MRTFB: variants seen among roughly 807,000 people sequenced by gnomAD.
The protein encoded by MRTFB is myocardin-related transcription factor B.
In MRTFB, 29 loss-of-function variants were observed where a neutral mutation model predicts 104.2. That is an observed-to-expected ratio of 0.28 (90% confidence interval 0.21 to 0.38). MRTFB has a LOEUF of 0.38. Ranked by LOEUF, MRTFB falls within the 10% of genes least tolerant of loss-of-function variation. The probability of loss-of-function intolerance (pLI) is 1.00; values close to 1 mark genes in which losing one functional copy is unlikely to be tolerated. For missense variants in MRTFB, 1,270 were observed against 1,341.6 expected, an observed-to-expected ratio of 0.95 and a Z score of 0.83; for synonymous variants, 535 against 519.5, an observed-to-expected ratio of 1.03 and a Z score of -0.41.
chr16:13,997,233 G>A, the MRTFB span, among the ~76,000 whole-genome samples: 1 of 152,150 alleles, frequency 6.6e-6, no homozygotes, highest in Non-Finnish European at 1.5e-5. Flanking sequence ...CAATGGCTTT[G>A]GAAAGAAAAT....
the MRTFB span, among the ~76,000 whole-genome samples, chr16:14,053,592 G>A: frequency 6.6e-6 from 1 of 151,940 alleles, no homozygotes. Flanking sequence ...TTAGCCGGGC[G>A]TGGTGGCGGG....
At chr16:14,130,233 C>G (rs1295884429) in intron 2 of MRTFB, among the ~76,000 whole-genome samples, 1 of 152,090 alleles carries the variant, frequency 6.6e-6, no homozygotes, top group Non-Finnish European at 1.5e-5. Flanking sequence ...AATTGATTTG[C>G]AAAATGCCAC....
chr16:14,059,757 C>G, the MRTFB span, among the ~76,000 whole-genome samples: 1 of 152,076 alleles, frequency 6.6e-6, no homozygotes, highest in Non-Finnish European at 1.5e-5. Flanking sequence ...CAGCATGTGC[C>G]TAGAAAGAGA....
At chr16:14,089,489 T>C (rs1239690495) in intron 2 of MRTFB, among the ~76,000 whole-genome samples, 22 of 152,232 alleles carry the variant, frequency 1.4e-4, no homozygotes, top group Non-Finnish European at 1.5e-5. Flanking sequence ...TAGTATTCTG[T>C]TGTGTGGATA....
intron 3 of MRTFB, among the ~76,000 whole-genome samples, chr16:14,167,794 C>G (rs1227957740): frequency 6.6e-6 from 1 of 152,194 alleles, no homozygotes; most frequent in Non-Finnish European, 1.5e-5. Flanking sequence ...CAGGTTCATG[C>G]CACTCTCCTG....
chr16:14,057,319 C>T, the MRTFB span, among the ~76,000 whole-genome samples: 1 of 152,156 alleles, frequency 6.6e-6, no homozygotes, highest in Admixed American at 6.5e-5. Flanking sequence ...CTGGAAAATA[C>T]TGTCACCCGA....
intron 2 of MRTFB, among the ~76,000 whole-genome samples, chr16:14,138,811 A>G (rs1480076385): frequency 6.6e-6 from 1 of 152,242 alleles, no homozygotes; most frequent in African/African-American, 2.4e-5. Context: ...CAAAGATGCA[A>G]AGGCAGCTTA....
At chr16:14,159,725 C>G (rs183981107) in intron 3 of MRTFB, among the ~76,000 whole-genome samples, 51 of 151,688 alleles carry the variant, frequency 3.4e-4, no homozygotes, top group African/African-American at 1.2e-3. Flanking sequence ...GTCAGGAGAT[C>G]GAGACCATCC....
chr16:14,251,988 C>T lies in MRTFB; in HGVS notation c.2530C>T (p.Pro844Ser), dbSNP rs767267381. 1.2e-6 allele frequency: 2 copies of T among 1,614,218 alleles called. No individual in the cohort carries two copies. Among genetic ancestry groups the T allele is most frequent in the Non-Finnish European group, 1.7e-6 (2 of 1,180,038 alleles). Residue 844 changes from proline to serine, a missense_variant, in exon 14 of 17, where the codon CCA (proline) becomes TCA (serine). Pro to Ser is a moderately conservative substitution (Grantham distance 74). Coordinates refer to ENST00000571589, the MANE Select transcript of MRTFB (RefSeq NM_001308142.2). ...TCTTCAATCCAGAAATGCTCCGCTT[C>T]CATCCCTGCAAAATGGACCTAACAC... ...SVLQSRNAPL[P>S]SLQNGPNTPN...
chr16:14,258,044 T>C (rs1407816411), intron 15 of MRTFB, 57 bp from the exon 16 acceptor site: 11 of 1,446,962 alleles, frequency 7.6e-6, no homozygotes, highest in Non-Finnish European at 1.1e-5. Flanking sequence ...CTGCTAATTA[T>C]ATAATGCTTC....
intron 2 of MRTFB, among the ~76,000 whole-genome samples, chr16:14,099,639 A>G (rs1263031748): frequency 2.0e-5 from 3 of 148,024 alleles, no homozygotes; most frequent in African/African-American, 7.5e-5. Flanking sequence ...GTGAGTCACC[A>G]TGCCCAGCCG....
Position 14,234,161 on chromosome 16 carries a change from C to G in MRTFB, c.709C>G (p.Pro237Ala), listed in dbSNP as rs1229632853. ...TTTCCACCAGTTTGCTTCAGTGTCCCCAACAGTTCCTGAATTCTTGAAAAC... is the reference window on the plus strand; with the variant it reads ...TTTCCACCAGTTTGCTTCAGTGTCCGCAACAGTTCCTGAATTCTTGAAAAC... ...NTPAQFASVS[P>A]TVPEFLKTPP... Residue 237 changes from proline to alanine, a missense_variant, in exon 9 of 17, where the codon CCA becomes GCA. Pro to Ala is a conservative substitution (Grantham distance 27). Coordinates refer to ENST00000571589, the MANE Select transcript of MRTFB (RefSeq NM_001308142.2). 6.2e-7 allele frequency: 1 copy of G among 1,614,042 alleles called. No individual in the cohort carries two copies. The highest frequency in any genetic ancestry group is 1.1e-5 in the South Asian group (1 of 91,060).
chr16:14,261,103 G>A lies in MRTFB; in HGVS notation c.2959G>A (p.Asp987Asn), dbSNP rs2043760090. 2 of 1,614,160 alleles carry A rather than the reference G, an allele frequency of 1.2e-6. No homozygotes were observed. Among genetic ancestry groups the A allele is most frequent in the East Asian group, 4.5e-5 (2 of 44,890 alleles). ...AGAGAACCAACTAGAAGCTTTCTTG[G>A]ATGGAACTTTACCCTCAGCCAATGA... is the stretch of plus-strand genomic sequence containing the variant. ...SLENQLEAFL[D>N]GTLPSANEIP... The change falls in exon 17 of 17, where the codon GAT (aspartate) becomes AAT (asparagine). Residue 987 changes from aspartate to asparagine, a missense_variant. Coordinates refer to ENST00000571589, the MANE Select transcript of MRTFB (RefSeq NM_001308142.2).
chr16:14,217,374 C>T (rs549067481), intron 7 of MRTFB, 87 bp downstream of exon 7: 21 of 1,109,196 alleles, frequency 1.9e-5, no homozygotes, highest in African/African-American at 4.7e-5. Context: ...AGGCTAGCAC[C>T]GATCGTGAGT....
In MRTFB at chr16:14,226,534, C is replaced by G. The variant is rs758252358; in HGVS notation, c.693+7536C>G. ...CTAACATCGTAGGCAAAAATTGACTCCATAGACAAAGATCTAAATATAATA... is the reference window on the plus strand; with the variant it reads ...CTAACATCGTAGGCAAAAATTGACTGCATAGACAAAGATCTAAATATAATA... On this transcript the variant is annotated intron_variant, in intron 8 of 16. Transcript: ENST00000571589. Among the ~76,000 whole-genome samples the G allele has an allele frequency of 4.6e-5, 7 of 152,136 alleles. No individual in the cohort carries two copies. The South Asian group carries it at 6.2e-4, about 14-fold the overall frequency.
chr16:14,059,997 A>ATTTTTTTT, the MRTFB span, among the ~76,000 whole-genome samples: 6 of 99,718 alleles, frequency 6.0e-5, no homozygotes, highest in African/African-American at 2.1e-4. Flanking sequence ...GAGACATGTA[A>ATTTTTTTT]TTTTTTTTTT....
chr16:14,201,026 T>G, intron 3 of MRTFB: 1 of 1,488,614 alleles, frequency 6.7e-7, no homozygotes, highest in African/African-American at 1.4e-5. Flanking sequence ...AAGAGATAAG[T>G]CTTGACTTTG....
intron 3 of MRTFB, chr16:14,200,238 T>G: frequency 7.4e-7 from 1 of 1,351,982 alleles, no homozygotes. Context: ...AGTATATGAA[T>G]AATACATCCA....
At chr16:14,219,681 G>C (rs141172771) in intron 8 of MRTFB, among the ~76,000 whole-genome samples, 3 of 152,332 alleles carry the variant, frequency 2.0e-5, no homozygotes, top group Admixed American at 2.0e-4. Context: ...TTTTCTTACA[G>C]CATTTCTTCT....
Sources: gnomAD v4.1 joint callset for allele counts (sites outside exome capture counted in the v4.1 genomes callset) on GRCh38, gnomAD v4.1.1 for gene constraint, MANE v1.5 for transcripts, NCBI Gene and HGNC (gene_info 2026-07-23, HGNC 2026-07-21) for gene names.